Variants in DSCAML1 observed in about 807,000 individuals in gnomAD.
The protein encoded by DSCAML1 is DS cell adhesion molecule like 1, also known as cell adhesion molecule DSCAML1.
DSCAML1 carries 38 observed loss-of-function variants against 200.5 expected under a neutral mutation model. That is an observed-to-expected ratio of 0.19 (90% CI 0.15 to 0.25). The LOEUF (loss-of-function observed/expected upper bound fraction) is 0.25, where lower values mean the gene tolerates loss of function less well. Among genes scored for constraint, DSCAML1 ranks in the 10% least tolerant of loss-of-function variants. DSCAML1 has a pLI of 1.00. For synonymous variants in DSCAML1, 1,215 were observed against 1,165.0 expected (o/e 1.04, Z -0.87); for missense variants, 2,223 against 2,858.8 (o/e 0.78, Z 5.07).
intron 3 of DSCAML1, among the ~76,000 whole-genome samples, chr11:117,601,710 C>T (rs569677669): frequency 6.6e-6 from 1 of 152,156 alleles, no homozygotes; most frequent in Non-Finnish European, 1.5e-5. Flanking sequence ...AGGAAGTGAA[C>T]GAGAGAAACA....
At chr11:117,783,404 C>A (rs1218201755) in intron 1 of DSCAML1, among the ~76,000 whole-genome samples, 1 of 152,146 alleles carries the variant, frequency 6.6e-6, no homozygotes, top group African/African-American at 2.4e-5. Context: ...TAAGTAAGTT[C>A]TCAAGGCTAA....
At chr11:117,477,430 T>C (rs3903091) in intron 14 of DSCAML1, among the ~76,000 whole-genome samples, 17,654 of 150,714 alleles carry the variant, frequency 0.12, 1,150 homozygotes, top group East Asian at 0.2. Context: ...TCCAACTGCA[T>C]TGTAAGCTCC....
chr11:117,491,331 TCA>T (rs2049177783), intron 11 of DSCAML1, among the ~76,000 whole-genome samples: 1 of 152,338 alleles, frequency 6.6e-6, no homozygotes, highest in African/African-American at 2.4e-5. Context: ...CATGGAATCC[TCA>T]CACAACCCTA....
intron 32 of DSCAML1, among the ~76,000 whole-genome samples, chr11:117,429,276 G>A (rs2047734587): frequency 1.3e-5 from 2 of 152,316 alleles, no homozygotes; most frequent in Non-Finnish European, 2.9e-5. Flanking sequence ...ATGGAGCCTG[G>A]TTCTGTTCTC....
chr11:117,437,862 G>C lies in DSCAML1; in HGVS notation c.4432+33C>G. On this transcript the variant is annotated intron_variant, in intron 25 of 32. Coordinates refer to ENST00000651296, the MANE Select transcript of DSCAML1 (RefSeq NM_020693.4). The surrounding 1 kb of genome is among the most constrained non-coding windows in gnomAD (Gnocchi z 5.3). ...CTAGCCCACCCTCCCTGGGCCCATC[G>C]CTCCTTCCCTGCCCCAGTGGCCTGG... The C allele has an allele frequency of 6.4e-7, 1 of 1,564,918 alleles. No individual in the cohort carries two copies. Among genetic ancestry groups the C allele is most frequent in the Non-Finnish European group, 8.6e-7 (1 of 1,158,534 alleles).
intron 5 of DSCAML1, among the ~76,000 whole-genome samples, chr11:117,524,220 G>A (rs1031575073): frequency 3.9e-5 from 6 of 152,240 alleles, no homozygotes; most frequent in Non-Finnish European, 7.3e-5. Flanking sequence ...GGGGCAGGAG[G>A]AGGAATAGGA....
Position 117,780,622 on chromosome 11 carries a change from T to C in DSCAML1, c.235A>G (p.Asn79Asp), listed in dbSNP as rs1389824688. ...AAGGGGTAGAGCTGCAGCGTCCCGT[T>C]GGCGTGGACGTGCCGGATGTGCGGC... ...DVPHIRHVHA[N>D]GTLQLYPFSP... The change falls in exon 2 of 33, where the codon AAC becomes GAC. Residue 79 changes from asparagine to aspartate, a missense_variant. Coordinates refer to ENST00000651296, the MANE Select transcript of DSCAML1 (RefSeq NM_020693.4). The surrounding 1 kb of genome is among the most constrained non-coding windows in gnomAD (Gnocchi z 4.8). The C allele has an allele frequency of 1.3e-6, 2 of 1,590,418 alleles. No homozygotes were observed. Among genetic ancestry groups the C allele is most frequent in the Non-Finnish European group, 1.7e-6 (2 of 1,167,410 alleles).
intron 11 of DSCAML1, among the ~76,000 whole-genome samples, chr11:117,502,837 A>G (rs2049422037): frequency 6.6e-6 from 1 of 152,180 alleles, no homozygotes. Flanking sequence ...AGGCCCTATT[A>G]CGAGCCCAAC....
At chr11:117,466,207 G>A (rs536444149) in intron 16 of DSCAML1, among the ~76,000 whole-genome samples, 1 of 152,352 alleles carries the variant, frequency 6.6e-6, no homozygotes, top group South Asian at 2.1e-4. Flanking sequence ...GTGTTCACCA[G>A]GAGATGAGTG....
chr11:117,491,771 G>C (rs1172719720), intron 11 of DSCAML1, among the ~76,000 whole-genome samples: 2 of 152,110 alleles, frequency 1.3e-5, no homozygotes, highest in East Asian at 3.9e-4. Flanking sequence ...GAGACTCTGT[G>C]TCAATAAAAA....
chr11:117,803,645 A>AG (rs1302317824), intron 1 of DSCAML1, among the ~76,000 whole-genome samples: 1 of 152,194 alleles, frequency 6.6e-6, no homozygotes, highest in Non-Finnish European at 1.5e-5. Context: ...AATCCGTCCC[A>AG]GGAACTTTCC....
chr11:117,529,183 A>T (rs112192085), intron 4 of DSCAML1, among the ~76,000 whole-genome samples: 1 of 151,974 alleles, frequency 6.6e-6, no homozygotes, highest in African/African-American at 2.4e-5. Flanking sequence ...GGTTCAAGCG[A>T]TTCTTTGCCT....
chr11:117,553,086 G>C (rs1225317359), intron 3 of DSCAML1, among the ~76,000 whole-genome samples: 1 of 152,158 alleles, frequency 6.6e-6, no homozygotes, highest in African/African-American at 2.4e-5. Flanking sequence ...GGATAGGGAA[G>C]GGCTTCCGAG....
chr11:117,800,617 C>G (rs2055648457), upstream of DSCAML1, among the ~76,000 whole-genome samples: 1 of 152,200 alleles, frequency 6.6e-6, no homozygotes, highest in Non-Finnish European at 1.5e-5. Context: ...GGACACACTA[C>G]CCATTTAAAA....
chr11:117,781,168 G>C (rs569735233), intron 1 of DSCAML1, among the ~76,000 whole-genome samples: 2 of 152,000 alleles, frequency 1.3e-5, no homozygotes, highest in Admixed American at 6.6e-5. Flanking sequence ...ACACGCGTCT[G>C]TAGTTTCAGC....
At chr11:117,590,761 C>G in intron 3 of DSCAML1, among the ~76,000 whole-genome samples, 1 of 152,224 alleles carries the variant, frequency 6.6e-6, no homozygotes, top group Admixed American at 6.5e-5. Context: ...AGGGTGATGG[C>G]TAGGAAGGGG....
chr11:117,470,343 A>C (rs1462863262), intron 15 of DSCAML1, among the ~76,000 whole-genome samples: 1 of 152,238 alleles, frequency 6.6e-6, no homozygotes, highest in Admixed American at 6.5e-5. Context: ...TGGGAGGCCA[A>C]GGCGGGCGGA....
At chr11:117,476,087 T>C (rs923760820) in intron 14 of DSCAML1, among the ~76,000 whole-genome samples, 3 of 152,220 alleles carry the variant, frequency 2.0e-5, no homozygotes, top group African/African-American at 7.2e-5. Flanking sequence ...CATATGAGCC[T>C]GGCTTACCCA....
intron 3 of DSCAML1, among the ~76,000 whole-genome samples, chr11:117,675,830 T>G (rs1261332194): frequency 6.6e-6 from 1 of 152,182 alleles, no homozygotes; most frequent in Non-Finnish European, 1.5e-5. Flanking sequence ...GACTCTCAGC[T>G]GGCCACTTCA....
Sources: gnomAD v4.1 joint callset for allele counts (sites outside exome capture counted in the v4.1 genomes callset) on GRCh38, gnomAD v4.1.1 for gene constraint, Gnocchi (gnomAD v3.1) non-coding constraint, MANE v1.5 for transcripts, NCBI Gene and HGNC (gene_info 2026-07-23, HGNC 2026-07-21) for gene names.